ARHGAP26: variants seen among roughly 807,000 people sequenced by gnomAD.
The protein encoded by ARHGAP26 is rho GTPase-activating protein 26.
A neutral mutation model predicts 104.8 loss-of-function variants in ARHGAP26; 38 were observed. That is an observed-to-expected ratio of 0.36 (90% CI 0.28 to 0.48). The LOEUF (loss-of-function observed/expected upper bound fraction) is 0.48, where lower values mean the gene tolerates loss of function less well. Among genes scored for constraint, ARHGAP26 ranks in the 20% least tolerant of loss-of-function variants. ARHGAP26 has a pLI of 0.99. For missense variants in ARHGAP26, 704 were observed against 947.9 expected (o/e 0.74, Z 3.38); for synonymous variants, 341 against 340.0 (o/e 1.00, Z -0.03).
At chr5:142,967,494 TTA>T (rs1771572551) in intron 11 of ARHGAP26, among the ~76,000 whole-genome samples, 2 of 152,144 alleles carry the variant, frequency 1.3e-5, no homozygotes, top group African/African-American at 4.8e-5. Context: ...AAATTAGAAT[TTA>T]AGAGGCCGGG....
At chr5:143,166,011 G>A (rs973778511) in intron 20 of ARHGAP26, 60 of 1,313,876 alleles carry the variant, frequency 4.6e-5, no homozygotes, top group South Asian at 1.1e-4. Flanking sequence ...TATGGTCATC[G>A]TTGCTCTTTT....
intron 17 of ARHGAP26, among the ~76,000 whole-genome samples, chr5:143,085,663 T>C (rs560476390): frequency 3.9e-5 from 6 of 152,206 alleles, no homozygotes; most frequent in Non-Finnish European, 5.9e-5. Context: ...ACTTTGAGGA[T>C]AGCGGCAGCA....
chr5:142,962,683 T>C (rs977788076), intron 11 of ARHGAP26, among the ~76,000 whole-genome samples: 4 of 152,180 alleles, frequency 2.6e-5, no homozygotes, highest in Non-Finnish European at 5.9e-5. Flanking sequence ...TTGCTTCTAC[T>C]TGAGTGTGAG....
chr5:143,131,355 C>T (rs920634996), intron 18 of ARHGAP26, among the ~76,000 whole-genome samples: 6 of 152,026 alleles, frequency 3.9e-5, no homozygotes, highest in African/African-American at 1.5e-4. Flanking sequence ...TATTTTTGCT[C>T]CCATTGTAAT....
chr5:142,938,181 G>C (rs901251167), intron 11 of ARHGAP26, among the ~76,000 whole-genome samples: 6 of 151,988 alleles, frequency 3.9e-5, no homozygotes, highest in African/African-American at 9.7e-5. Context: ...TTGGATTATG[G>C]GGGGGGAAGT....
chr5:142,812,616 G>T (rs984835349), intron 1 of ARHGAP26, among the ~76,000 whole-genome samples: 3 of 152,178 alleles, frequency 2.0e-5, no homozygotes, highest in Admixed American at 6.5e-5. Flanking sequence ...GGAATTATGG[G>T]CATGAGCCAC....
intron 2 of ARHGAP26, among the ~76,000 whole-genome samples, chr5:142,874,296 A>T (rs529149435): frequency 6.6e-6 from 1 of 152,218 alleles, no homozygotes; most frequent in African/African-American, 2.4e-5. Flanking sequence ...CTATTCTTCT[A>T]TAGGCACCTT....
chr5:143,189,128 C>T (rs914540765), intron 20 of ARHGAP26, among the ~76,000 whole-genome samples: 2 of 152,226 alleles, frequency 1.3e-5, no homozygotes, highest in Admixed American at 6.5e-5. Flanking sequence ...GGGAATTCTG[C>T]TACAGACAGG....
chr5:143,154,159 T>TAAAAA (rs1800182568), intron 20 of ARHGAP26, among the ~76,000 whole-genome samples: 1 of 54,754 alleles, frequency 1.8e-5, no homozygotes, highest in Non-Finnish European at 4.2e-5. Flanking sequence ...TTTAAAAATA[T>TAAAAA]TAAAAAAAAA....
chr5:143,147,025 T>A (rs1799244431), intron 19 of ARHGAP26, among the ~76,000 whole-genome samples: 1 of 152,036 alleles, frequency 6.6e-6, no homozygotes, highest in Non-Finnish European at 1.5e-5. Flanking sequence ...AGGAAAGGGG[T>A]TTGCTTTAAA....
intron 1 of ARHGAP26, among the ~76,000 whole-genome samples, chr5:142,809,678 A>G (rs1030141495): frequency 2.6e-5 from 4 of 152,186 alleles, no homozygotes; most frequent in African/African-American, 4.8e-5. Flanking sequence ...ATAATCTTAC[A>G]GTCATGCTTT....
At chr5:142,851,211 C>T (rs1158219580) in intron 1 of ARHGAP26, among the ~76,000 whole-genome samples, 1 of 151,904 alleles carries the variant, frequency 6.6e-6, no homozygotes, top group Non-Finnish European at 1.5e-5. Context: ...ATTTTTCTGC[C>T]TCAGCCTCCC....
intron 1 of ARHGAP26, among the ~76,000 whole-genome samples, chr5:142,775,886 TCTTTTA>T (rs1465802214): frequency 6.6e-5 from 10 of 152,240 alleles, no homozygotes; most frequent in Admixed American, 6.5e-4. Context: ...CTATTCTTTC[TCTTTTA>T]AAGTCATAAA....
chr5:142,994,850 AG>A (rs2152765972), intron 11 of ARHGAP26, among the ~76,000 whole-genome samples: 1 of 152,336 alleles, frequency 6.6e-6, no homozygotes, highest in African/African-American at 2.4e-5. Context: ...TGGGGTAATG[AG>A]GCACAGAGAA....
chr5:142,841,417 C>G (rs912200739), intron 1 of ARHGAP26, among the ~76,000 whole-genome samples: 1 of 152,162 alleles, frequency 6.6e-6, no homozygotes, highest in Non-Finnish European at 1.5e-5. Flanking sequence ...ATTGCCGTTA[C>G]GTTTACGGTG....
At chr5:142,922,836 C>G (rs2152508742) in intron 10 of ARHGAP26, among the ~76,000 whole-genome samples, 1 of 152,274 alleles carries the variant, frequency 6.6e-6, no homozygotes, top group East Asian at 1.9e-4. Flanking sequence ...CCCTTCTCAC[C>G]CCTTGTTTGA....
intron 17 of ARHGAP26, chr5:143,103,322 A>G: frequency 1.3e-6 from 1 of 786,662 alleles, no homozygotes; most frequent in Non-Finnish European, 1.5e-6. Context: ...GTGGAGAAAT[A>G]GGAACGATTT....
chr5:142,894,279 A>T lies in ARHGAP26; in HGVS notation c.528A>T (p.Glu176Asp), dbSNP rs1428393114. 6.2e-7 allele frequency: 1 copy of T among 1,614,126 alleles called. No individual in the cohort carries two copies. Among genetic ancestry groups the T allele is most frequent in the Non-Finnish European group, 8.5e-7 (1 of 1,179,990 alleles). Reference sequence around the variant, plus strand: ...ACCTGGTCCGGCAGCATTTCTATGAAGTATCCCTGGAATATGTCTTCAAGG... The same window carrying T: ...ACCTGGTCCGGCAGCATTTCTATGATGTATCCCTGGAATATGTCTTCAAGG... ...QVDLVRQHFY[E>D]VSLEYVFKVQ... Residue 176 changes from glutamate (E) to aspartate (D), a missense_variant, in exon 6 of 23, where the codon GAA becomes GAT. Transcript: ENST00000645722.
intron 10 of ARHGAP26, among the ~76,000 whole-genome samples, chr5:142,927,375 T>G (rs1367491796): frequency 6.6e-6 from 1 of 152,042 alleles, no homozygotes; most frequent in Non-Finnish European, 1.5e-5. Context: ...TTGCCATAGA[T>G]GAGTTTTGCA....
Sources: allele counts gnomAD v4.1 joint callset (sites outside exome capture counted in the v4.1 genomes callset), GRCh38; gene constraint gnomAD v4.1.1; transcripts MANE v1.5; gene names NCBI Gene and HGNC (gene_info 2026-07-23, HGNC 2026-07-21).